The following LYPD6B variants were observed in gnomAD, a reference collection of about 807,000 sequenced individuals.
The protein encoded by LYPD6B is LY6/PLAUR domain containing 6B, also known as ly6/PLAUR domain-containing protein 6B.
LYPD6B carries 17 observed loss-of-function variants against 22.8 expected under a neutral mutation model. That is an observed-to-expected ratio of 0.75 (90% CI 0.51 to 1.12). The LOEUF is 1.12. Ranked by LOEUF, LYPD6B falls within the 50% of genes most tolerant of loss-of-function variation. LYPD6B has a pLI of 0.00. For synonymous variants in LYPD6B, 106 were observed against 91.6 expected, an observed-to-expected ratio of 1.16 and a Z score of -0.90; for missense variants, 221 against 258.3, an observed-to-expected ratio of 0.86 and a Z score of 0.99.
chr2:149,073,110 A>G (rs1684700978), intron 1 of LYPD6B, among the ~76,000 whole-genome samples: 1 of 152,192 alleles, frequency 6.6e-6, no homozygotes, highest in South Asian at 2.1e-4. Flanking sequence ...GGGTTTAATG[A>G]TGATGATAAT....
intron 1 of LYPD6B, among the ~76,000 whole-genome samples, chr2:149,080,870 AC>A (rs1685102413): frequency 1.2e-4 from 12 of 101,750 alleles, no homozygotes; most frequent in South Asian, 7.2e-4. Flanking sequence ...AAAAAAAACC[AC>A]ACAAAAAAAT....
intron 5 of LYPD6B, 32 bp from the exon 6 acceptor site, chr2:149,212,960 C>A (rs1198449031): frequency 1.2e-6 from 2 of 1,604,056 alleles, no homozygotes; most frequent in Non-Finnish European, 1.7e-6. Context: ...TACCTTGTTT[C>A]TTGGTTTTGT....
At chr2:149,147,331 G>T (rs928808343) in intron 2 of LYPD6B, among the ~76,000 whole-genome samples, 12 of 152,178 alleles carry the variant, frequency 7.9e-5, no homozygotes, top group African/African-American at 2.2e-4. Flanking sequence ...GGTAACCCAA[G>T]TCATTAATCC....
At chr2:149,195,336 T>C (rs1692741629) in intron 3 of LYPD6B, among the ~76,000 whole-genome samples, 1 of 152,120 alleles carries the variant, frequency 6.6e-6, no homozygotes, top group Non-Finnish European at 1.5e-5. Flanking sequence ...GAATGAAAAA[T>C]ATATGAACTG....
chr2:149,194,040 G>A (rs1692652862), intron 3 of LYPD6B, among the ~76,000 whole-genome samples: 1 of 152,096 alleles, frequency 6.6e-6, no homozygotes, highest in Non-Finnish European at 1.5e-5. Flanking sequence ...TTTAGTGATG[G>A]TAGAAGCAGA....
At chr2:149,073,564 C>G (rs1174270468) in intron 1 of LYPD6B, among the ~76,000 whole-genome samples, 1 of 152,094 alleles carries the variant, frequency 6.6e-6, no homozygotes, top group African/African-American at 2.4e-5. Flanking sequence ...GTTTGGGGCT[C>G]TGTGCTGAGT....
rs1282775041 is a variant in LYPD6B, at chr2:149,043,200, C to T, written c.-67+4399C>T. 2.6e-5 allele frequency among the ~76,000 whole-genome samples: 4 copies of T among 152,078 alleles called. No homozygotes were observed. In the South Asian group the frequency reaches 8.3e-4, roughly 31 times the overall value. On this transcript the variant is annotated intron_variant, in intron 1 of 6. Transcript: ENST00000409642. The stretch of plus-strand genomic sequence containing the variant: ...AATTTTGATGCCTCAGGAACTTGTA[C>T]TTTCTTTTGGTGTTTAAAGAATCAA...
chr2:149,161,061 C>T (rs1247563735), intron 3 of LYPD6B, among the ~76,000 whole-genome samples: 2 of 152,150 alleles, frequency 1.3e-5, no homozygotes, highest in Admixed American at 1.3e-4. Context: ...AGGGGAGTCC[C>T]CATGCTCAGC....
chr2:149,205,117 C>T, intron 3 of LYPD6B, 136 bp from the exon 4 acceptor site: 1 of 806,354 alleles, frequency 1.2e-6, no homozygotes, highest in Non-Finnish European at 1.9e-6. Context: ...ATGCAATTTA[C>T]TCGCAGGTCC....
chr2:149,071,544 T>G (rs1172226540), intron 1 of LYPD6B, among the ~76,000 whole-genome samples: 1 of 152,214 alleles, frequency 6.6e-6, no homozygotes, highest in African/African-American at 2.4e-5. Context: ...ATACTCTAGC[T>G]ATAGAAATAG....
chr2:149,162,178 T>C (rs1216897860), intron 3 of LYPD6B, among the ~76,000 whole-genome samples: 1 of 152,210 alleles, frequency 6.6e-6, no homozygotes, highest in East Asian at 1.9e-4. Flanking sequence ...ACCGTGGTGA[T>C]AAAATGTAAC....
chr2:149,142,948 T>G (rs1251561354), intron 2 of LYPD6B, among the ~76,000 whole-genome samples: 1 of 152,210 alleles, frequency 6.6e-6, no homozygotes, highest in Non-Finnish European at 1.5e-5. Flanking sequence ...GTTATAGATA[T>G]ATGGAGAAGT....
intron 3 of LYPD6B, among the ~76,000 whole-genome samples, chr2:149,179,001 A>G (rs1461554217): frequency 6.6e-6 from 1 of 152,184 alleles, no homozygotes; most frequent in African/African-American, 2.4e-5. Context: ...TTCATTAGCC[A>G]ATTTGTAGAT....
At chr2:149,168,070 C>T (rs534443260) in intron 3 of LYPD6B, among the ~76,000 whole-genome samples, 87 of 151,798 alleles carry the variant, frequency 5.7e-4, no homozygotes, top group African/African-American at 1.9e-3. Flanking sequence ...ATTAGCCAGA[C>T]GCAGGGGCAT....
At chr2:149,181,999 C>G (rs767220589) in intron 3 of LYPD6B, among the ~76,000 whole-genome samples, 1 of 152,178 alleles carries the variant, frequency 6.6e-6, no homozygotes, top group East Asian at 1.9e-4. Context: ...CTGCAGGGTG[C>G]CCTTGCCTAA....
chr2:149,086,795 G>A (rs6758056), intron 1 of LYPD6B, among the ~76,000 whole-genome samples: 105,463 of 152,016 alleles, frequency 0.69, 36,874 homozygotes, highest in African/African-American at 0.73. Context: ...CTGTGAGGGA[G>A]GGATCTCTTC....
chr2:149,190,618 G>A (rs1423131025), intron 3 of LYPD6B, among the ~76,000 whole-genome samples: 1 of 152,138 alleles, frequency 6.6e-6, no homozygotes, highest in Non-Finnish European at 1.5e-5. Context: ...AAGTTATAAA[G>A]TACAATTTTC....
chr2:149,101,229 T>A (rs1686192237), intron 1 of LYPD6B: 1 of 152,268 alleles, frequency 6.6e-6, no homozygotes. Context: ...CAGTCTCCAA[T>A]GTAGCAGGTG....
chr2:149,155,738 T>G (rs1419116162), intron 2 of LYPD6B, among the ~76,000 whole-genome samples: 1 of 152,186 alleles, frequency 6.6e-6, no homozygotes, highest in African/African-American at 2.4e-5. Context: ...CAATCCCCTT[T>G]GAGCCACAGG....
Sources: allele counts gnomAD v4.1 joint callset (sites outside exome capture counted in the v4.1 genomes callset), GRCh38; gene constraint gnomAD v4.1.1; transcripts MANE v1.5; gene names NCBI Gene and HGNC (gene_info 2026-07-23, HGNC 2026-07-21).